The following SLC38A6 variants were observed in gnomAD, a reference collection of about 807,000 sequenced individuals.
SLC38A6 encodes N system amino acid transporter NAT-1.
SLC38A6 carries 73 observed loss-of-function variants against 65.0 expected under a neutral mutation model. The ratio of observed to expected loss-of-function variants is 1.12; its 90% CI spans 0.93 to 1.37. The LOEUF (loss-of-function observed/expected upper bound fraction) is 1.37, where lower values mean the gene tolerates loss of function less well. Among genes scored for constraint, SLC38A6 ranks in the 40% most tolerant of loss-of-function variants. The pLI is 0.00. For missense variants in SLC38A6, 561 were observed against 531.1 expected (o/e 1.06, Z -0.55); for synonymous variants, 183 against 178.8 (o/e 1.02, Z -0.19).
At chr14:60,996,179 C>T (rs962800452) in intron 3 of SLC38A6, among the ~76,000 whole-genome samples, 1 of 151,976 alleles carries the variant, frequency 6.6e-6, no homozygotes, top group Admixed American at 6.6e-5. Flanking sequence ...TGTTGTGAAC[C>T]TAAAACTGCT....
chr14:61,013,989 A>G (rs1244782316), intron 3 of SLC38A6, among the ~76,000 whole-genome samples: 3 of 152,146 alleles, frequency 2.0e-5, no homozygotes, highest in South Asian at 2.1e-4. Flanking sequence ...TTTCCAACTT[A>G]GTTCCATTCT....
rs373814591 is a variant in SLC38A6, at chr14:61,043,480, A to G, written c.721A>G (p.Lys241Glu). ...ISNVTDDCKP[K>E]LFHFSKESAY... Reference sequence around the variant, plus strand: ...AAATGTTACAGATGATTGTAAGCCAAAGCTCTTTCATTTCTCCAAAGAGGT... The same window carrying G: ...AAATGTTACAGATGATTGTAAGCCAGAGCTCTTTCATTTCTCCAAAGAGGT... Residue 241 changes from lysine to glutamate, a missense_variant, in exon 10 of 16, where the codon AAG (lysine) becomes GAG (glutamate). Physicochemically the swap from Lys to Glu is moderately conservative, Grantham distance 56. Coordinates refer to ENST00000267488, the MANE Select transcript of SLC38A6 (RefSeq NM_153811.3). 1.9e-6 allele frequency: 3 copies of G among 1,608,300 alleles called. No homozygotes were observed. Among genetic ancestry groups the G allele is most frequent in the African/African-American group, 2.7e-5 (2 of 74,604 alleles).
intron 5 of SLC38A6, among the ~76,000 whole-genome samples, chr14:61,026,261 T>G (rs1374298014): frequency 6.6e-6 from 1 of 152,098 alleles, no homozygotes; most frequent in Non-Finnish European, 1.5e-5. Flanking sequence ...TGATTTTTAT[T>G]TTTTGGATTT....
rs527749957 is a variant in SLC38A6, at chr14:61,030,752, A to G, written c.482+229A>G. 275 of 369,070 alleles carry G rather than the reference A, an allele frequency of 7.5e-4. 7 individuals are homozygous for G. The South Asian group carries it at 9.7e-3, about 13-fold the overall frequency. The allele number at this position is 369,070 out of a possible 1,614,324, so 22.9% of individuals were successfully genotyped here. On this transcript the variant is annotated intron_variant, in intron 6 of 15. Transcript: ENST00000267488. ...CTGTGAACCATATGAAGCACCAGATATAATCCTTGCATTCCTTGGGGGTGT... is the reference window on the plus strand; with the variant it reads ...CTGTGAACCATATGAAGCACCAGATGTAATCCTTGCATTCCTTGGGGGTGT...
chr14:60,984,093 T>G (rs2037279550), intron 2 of SLC38A6, among the ~76,000 whole-genome samples: 1 of 152,220 alleles, frequency 6.6e-6, no homozygotes, highest in African/African-American at 2.4e-5. Context: ...TAGGAAATTA[T>G]CTAAGTTTTT....
chr14:60,982,236 G>C (rs756392091), intron 1 of SLC38A6: 53 of 507,750 alleles, frequency 1.0e-4, no homozygotes, highest in Middle Eastern at 5.9e-4. Flanking sequence ...ATCTCTTGCA[G>C]TCACAAGGTT....
intron 15 of SLC38A6, among the ~76,000 whole-genome samples, chr14:61,062,098 C>T (rs775566017): frequency 6.6e-6 from 1 of 152,184 alleles, no homozygotes; most frequent in Non-Finnish European, 1.5e-5. Flanking sequence ...CTCGACCTCC[C>T]AAAGTGCTGG....
intron 15 of SLC38A6, among the ~76,000 whole-genome samples, chr14:61,064,157 C>G (rs999348952): frequency 1.3e-5 from 2 of 152,200 alleles, no homozygotes; most frequent in Non-Finnish European, 2.9e-5. Flanking sequence ...ATAATGCCTT[C>G]CTGAAACTAG....
chr14:61,049,622 A>G lies in SLC38A6; in HGVS notation c.926-890A>G, dbSNP rs556873476. 8.5e-5 allele frequency among the ~76,000 whole-genome samples: 13 copies of G among 152,224 alleles called. No individual in the cohort carries two copies. The South Asian group carries it at 1.0e-3, about 12-fold the overall frequency. On this transcript the variant is annotated intron_variant, in intron 12 of 15. Coordinates refer to ENST00000267488, the MANE Select transcript of SLC38A6 (RefSeq NM_153811.3). ...CTTACATGTGTATATCACACTTTCTATCATAGCTATGTGTATTCATCTCAT... is the reference window on the plus strand; with the variant it reads ...CTTACATGTGTATATCACACTTTCTGTCATAGCTATGTGTATTCATCTCAT...
chr14:61,062,102 G>T (rs2042866104), intron 15 of SLC38A6, among the ~76,000 whole-genome samples: 1 of 152,134 alleles, frequency 6.6e-6, no homozygotes. Context: ...ACCTCCCAAA[G>T]TGCTGGGCAT....
chr14:61,006,417 A>C (rs1023022200), intron 3 of SLC38A6, among the ~76,000 whole-genome samples: 11 of 152,190 alleles, frequency 7.2e-5, no homozygotes, highest in African/African-American at 2.2e-4. Flanking sequence ...GAAAATTTTC[A>C]CAACCTACTC....
At chr14:61,026,503 TCTGA>T (rs2040621227) in intron 5 of SLC38A6, among the ~76,000 whole-genome samples, 1 of 152,118 alleles carries the variant, frequency 6.6e-6, no homozygotes, top group Non-Finnish European at 1.5e-5. Flanking sequence ...TACTAAAGCT[TCTGA>T]CTAATGTTCT....
intron 6 of SLC38A6, among the ~76,000 whole-genome samples, chr14:61,035,224 C>T (rs539967001): frequency 4.0e-5 from 6 of 151,774 alleles, no homozygotes; most frequent in South Asian, 2.1e-4. Context: ...CTGACAGCTA[C>T]GATAAAGAAA....
intron 7 of SLC38A6, 127 bp downstream of exon 7, chr14:61,037,268 T>A (rs1260347313): frequency 3.0e-6 from 2 of 676,792 alleles, no homozygotes; most frequent in African/African-American, 1.9e-5. Context: ...ATGGTGGTTG[T>A]GTATAATTTT....
chr14:61,017,145 G>T (rs1047795652), intron 4 of SLC38A6, among the ~76,000 whole-genome samples: 9 of 152,076 alleles, frequency 5.9e-5, no homozygotes, highest in African/African-American at 2.2e-4. Context: ...TGGTTCAAGC[G>T]ATTCTCCTGC....
At chr14:61,013,598 A>C (rs941011497) in intron 3 of SLC38A6, among the ~76,000 whole-genome samples, 1 of 152,180 alleles carries the variant, frequency 6.6e-6, no homozygotes, top group Non-Finnish European at 1.5e-5. Flanking sequence ...AAAATCTCTC[A>C]GCATTTGCTT....
intron 12 of SLC38A6, 124 bp downstream of exon 12, chr14:61,046,291 T>G: frequency 1.7e-6 from 1 of 605,706 alleles, no homozygotes; most frequent in Non-Finnish European, 2.9e-6. Flanking sequence ...CAAATTACAA[T>G]GCAGTACTGT....
intron 5 of SLC38A6, among the ~76,000 whole-genome samples, chr14:61,026,526 T>C (rs2040622526): frequency 1.3e-5 from 2 of 152,278 alleles, no homozygotes; most frequent in South Asian, 2.1e-4. Flanking sequence ...CTCTGTGATA[T>C]TCATTTCCTT....
chr14:61,038,422 AT>A (rs1316785764), intron 8 of SLC38A6, among the ~76,000 whole-genome samples: 2 of 152,136 alleles, frequency 1.3e-5, no homozygotes, highest in African/African-American at 4.8e-5. Context: ...AGTTTATTCC[AT>A]AATCAGTATC....
Sources: gnomAD v4.1 joint callset for allele counts (sites outside exome capture counted in the v4.1 genomes callset) on GRCh38, gnomAD v4.1.1 for gene constraint, MANE v1.5 for transcripts, NCBI Gene and HGNC (gene_info 2026-07-23, HGNC 2026-07-21) for gene names.